OGDHL: variants seen among roughly 807,000 people sequenced by gnomAD.
The protein encoded by OGDHL is 2-oxoglutarate dehydrogenase-like, mitochondrial.
Under a neutral mutation model 109.6 loss-of-function variants are expected in OGDHL, and 79 were observed. The observed-to-expected ratio is 0.72, with a 90% CI of 0.60 to 0.87. The LOEUF (loss-of-function observed/expected upper bound fraction) is 0.87, where lower values mean the gene tolerates loss of function less well. Ranked by LOEUF, OGDHL falls within the 40% of genes least tolerant of loss-of-function variation. OGDHL has a pLI of 0.00. For synonymous variants in OGDHL, 528 were observed against 537.2 expected (o/e 0.98, Z 0.24); for missense variants, 1,275 against 1,362.2 (o/e 0.94, Z 1.01).
In OGDHL at chr10:49,735,340, C is replaced by T. The variant is rs774254213; in HGVS notation, c.2921G>A (p.Arg974Gln). The change falls in exon 23 of 23, where the codon CGG becomes CAG. Residue 974 changes from arginine to glutamine, a missense_variant. Coordinates refer to ENST00000374103, the MANE Select transcript of OGDHL (RefSeq NM_018245.3). ...TGTGGCTGGTGCAGCCGCTGGGTCC[C>T]GGCCAACATACCTGGAGGAGGAGAG... is the stretch of plus-strand genomic sequence containing the variant. The part of the protein sequence containing the change: ...RRARPIWYVG[R>Q]DPAAAPATGN... 6.2e-6 allele frequency: 10 copies of T among 1,612,978 alleles called. No individual in the cohort carries two copies. The highest frequency in any genetic ancestry group is 1.7e-5 in the Admixed American group (1 of 59,976).
At position 49,737,698 on chromosome 10, in the gene OGDHL, G is replaced by A; in HGVS notation, c.2590+88C>T. On this transcript the variant is annotated intron_variant, in intron 20 of 22. Transcript: ENST00000374103. ...GGTCAGCAGAGCCACAGGCAGAGGG[G>A]AGGTTGGAGAAGCCCCAGAAGCAGA... The A allele has an allele frequency of 5.0e-6, 7 of 1,398,282 alleles. No homozygotes were observed. The South Asian group carries it at 8.2e-5, about 16-fold the overall frequency. The allele number at this position is 1,398,282 out of a possible 1,614,324, so 86.6% of individuals were successfully genotyped here. A position where few individuals can be genotyped will look rare whatever the true frequency, so the allele number is the denominator to read the frequency against.
At chr10:49,743,011 G>A in intron 14 of OGDHL, 33 bp from the exon 15 acceptor site, 1 of 1,605,918 alleles carries the variant, frequency 6.2e-7, no homozygotes, top group Non-Finnish European at 8.5e-7. Context: ...TGAGGGCCAA[G>A]GGACAGCCAG....
Position 49,735,333 on chromosome 10 carries a change from T to A in OGDHL, c.2928A>T (p.Pro976=). The change falls in exon 23 of 23, where the codon CCA becomes CCT. Residue 976 remains proline, a synonymous_variant. Coordinates refer to ENST00000374103, the MANE Select transcript of OGDHL (RefSeq NM_018245.3). ...ARPIWYVGRD[P]AAAPATGNRN... ...TGTTTCCTGTGGCTGGTGCAGCCGC[T>A]GGGTCCCGGCCAACATACCTGGAGG... 1 of 1,613,484 alleles carries A rather than the reference T, an allele frequency of 6.2e-7. No individual in the cohort carries two copies. Among genetic ancestry groups the A allele is most frequent in the Non-Finnish European group, 8.5e-7 (1 of 1,179,940 alleles).
intron 3 of OGDHL, among the ~76,000 whole-genome samples, chr10:49,756,373 C>T (rs896815625): frequency 3.9e-5 from 6 of 152,180 alleles, no homozygotes; most frequent in Non-Finnish European, 8.8e-5. Flanking sequence ...ATTCCATAAA[C>T]ATGAATTAGG....
At chr10:49,759,020 A>T (rs1010284741) in intron 1 of OGDHL, among the ~76,000 whole-genome samples, 3 of 151,896 alleles carry the variant, frequency 2.0e-5, no homozygotes, top group Non-Finnish European at 4.4e-5. Context: ...ACCACCCTAG[A>T]ACCAGGGCAG....
chr10:49,749,834 G>C lies in OGDHL; in HGVS notation c.897-18C>G, dbSNP rs573586562. Reference sequence around the variant, plus strand: ...GCCTTCCCCTGGAGCCAGAGGGGCCGGGCTCTCACCTGGCAAAGCCCGCAG... The same window carrying C: ...GCCTTCCCCTGGAGCCAGAGGGGCCCGGCTCTCACCTGGCAAAGCCCGCAG... On this transcript the variant is annotated intron_variant, in intron 7 of 22. Transcript: ENST00000374103. The C allele has an allele frequency of 6.4e-6, 10 of 1,574,782 alleles. No individual in the cohort carries two copies. The highest frequency in any genetic ancestry group is 8.6e-6 in the Non-Finnish European group (10 of 1,164,522).
intron 16 of OGDHL, 31 bp from the exon 17 acceptor site, chr10:49,739,870 ACACAG>A (rs1841516292): frequency 6.3e-7 from 1 of 1,599,696 alleles, no homozygotes; most frequent in African/African-American, 1.3e-5. Context: ...AGCTTGCTGC[ACACAG>A]TCACCAAGTG....
At chr10:49,745,104 G>A (rs1011856960) in intron 12 of OGDHL, among the ~76,000 whole-genome samples, 6 of 152,214 alleles carry the variant, frequency 3.9e-5, no homozygotes, top group South Asian at 2.1e-4. Flanking sequence ...AAGCCTTCCC[G>A]CACTCCTGCT....
Position 49,758,566 on chromosome 10 carries a change from G to A in OGDHL, c.27C>T (p.Ser9=), listed in dbSNP as rs1044357296. The A allele has an allele frequency of 6.2e-7, 1 of 1,613,808 alleles. No individual in the cohort carries two copies. MSQLRLLP[S]RLGVQAARLL... is the part of the protein sequence containing the mutation. ...GCCTCGCAGCCTGTACCCCAAGACGGGACGGCAGCAGCCTCAGCTGACTCA... is the reference window on the plus strand; with the variant it reads ...GCCTCGCAGCCTGTACCCCAAGACGAGACGGCAGCAGCCTCAGCTGACTCA... Residue 9 remains serine (S), a synonymous_variant, in exon 2 of 23, where the codon TCC becomes TCT. Coordinates refer to ENST00000374103, the MANE Select transcript of OGDHL (RefSeq NM_018245.3).
In OGDHL at chr10:49,758,524, G is replaced by A. The variant is rs761258380; in HGVS notation, c.69C>T (p.Asp23=). The change falls in exon 2 of 23, where the codon GAC becomes GAT. Residue 23 remains aspartate (D), a synonymous_variant. Coordinates refer to ENST00000374103, the MANE Select transcript of OGDHL (RefSeq NM_018245.3). Reference sequence around the variant, plus strand: ...TGCTGCGCCAGCCAAACACCGGGACGTCATGTGCAGCCAGGAGCCTCGCAG... The same window carrying A: ...TGCTGCGCCAGCCAAACACCGGGACATCATGTGCAGCCAGGAGCCTCGCAG... The part of the protein sequence containing the change: ...VQAARLLAAH[D]VPVFGWRSRS... The A allele has an allele frequency of 4.3e-5, 69 of 1,613,778 alleles. No homozygotes were observed. The highest frequency in any genetic ancestry group is 7.7e-5 in the South Asian group (7 of 91,094).
Position 49,740,702 on chromosome 10 carries a change from G to A in OGDHL, c.2140+8C>T. ...GCCTGCCTGGCCTGCAGGAGAGCGT[G>A]GACCCACCCAGGACTCCGTACTCCG... On this transcript the variant is annotated splice_region_variant and intron_variant, in intron 16 of 22. Coordinates refer to ENST00000374103, the MANE Select transcript of OGDHL (RefSeq NM_018245.3). 1 of 1,612,238 alleles carries A rather than the reference G, an allele frequency of 6.2e-7. No homozygotes were observed. The highest frequency in any genetic ancestry group is 8.5e-7 in the Non-Finnish European group (1 of 1,178,842).
rs139291356 is a variant in OGDHL, at chr10:49,743,361, C to G, written c.1862-383G>C. Among the ~76,000 whole-genome samples the G allele has an allele frequency of 7.9e-5, 12 of 151,732 alleles. No individual in the cohort carries two copies. The East Asian group carries it at 2.4e-3, about 30-fold the overall frequency. The stretch of plus-strand genomic sequence containing the variant: ...ACACAAACAGAGCGGGCACATGCCC[C>G]AAACGCTGTCAGCAGCTGCCCCAGG... On this transcript the variant is annotated intron_variant, in intron 14 of 22. Coordinates refer to ENST00000374103, the MANE Select transcript of OGDHL (RefSeq NM_018245.3).
rs1423619300 is a variant in OGDHL at position 49,755,973 on chromosome 10, G to C, written c.375+803C>G. Among the ~76,000 whole-genome samples, 4 of 152,188 alleles carry C rather than the reference G, an allele frequency of 2.6e-5. No individual in the cohort carries two copies. In the East Asian group the frequency reaches 5.8e-4, roughly 22 times the overall value. ...AATTGATGGGTCCTCAGGCCAGAAG[G>C]GAACCCAACCCTGCTCACCTTCCCT... On this transcript the variant is annotated intron_variant, in intron 3 of 22. Coordinates refer to ENST00000374103, the MANE Select transcript of OGDHL (RefSeq NM_018245.3).
At chr10:49,740,646 C>T in intron 16 of OGDHL, 64 bp downstream of exon 16, 1 of 1,571,622 alleles carries the variant, frequency 6.4e-7, no homozygotes, top group Non-Finnish European at 8.6e-7. Flanking sequence ...CGGTCCCTTC[C>T]CAGCCCATCT....
intron 15 of OGDHL, among the ~76,000 whole-genome samples, chr10:49,741,199 G>A (rs1206650122): frequency 6.6e-6 from 1 of 152,084 alleles, no homozygotes; most frequent in Non-Finnish European, 1.5e-5. Flanking sequence ...TAGAGCCAGA[G>A]ACCCTAGGAG....
rs1841151220 is a variant in OGDHL at position 49,736,140 on chromosome 10, G to A, written c.2792C>T (p.Ala931Val). 1 of 1,608,776 alleles carries A rather than the reference G, an allele frequency of 6.2e-7. No individual in the cohort carries two copies. The highest frequency in any genetic ancestry group is 8.5e-7 in the Non-Finnish European group (1 of 1,177,462). ...PFPFDLIKQE[A>V]EKYPGAELAW... Reference sequence around the variant, plus strand: ...CAGCTCCGCACCTGGGTACTTCTCTGCCTCCTGCTTGATCAGGTCGAAGGG... The same window carrying A: ...CAGCTCCGCACCTGGGTACTTCTCTACCTCCTGCTTGATCAGGTCGAAGGG... The change falls in exon 22 of 23, where the codon GCA (alanine) becomes GTA (valine). Residue 931 changes from alanine to valine, a missense_variant. Coordinates refer to ENST00000374103, the MANE Select transcript of OGDHL (RefSeq NM_018245.3).
chr10:49,739,966 C>A lies in OGDHL; in HGVS notation c.2141-127G>T, dbSNP rs1841525644. ...ATCCTTCTCACAAGCCAGGACGAAC[C>A]CAGGGATTCCCTGGGATTCAAAGGG... On this transcript the variant is annotated intron_variant, in intron 16 of 22. Coordinates refer to ENST00000374103, the MANE Select transcript of OGDHL (RefSeq NM_018245.3). 3 of 933,738 alleles carry A rather than the reference C, an allele frequency of 3.2e-6. No homozygotes were observed. The Admixed American group carries it at 8.3e-5, about 26-fold the overall frequency. The allele number at this position is 933,738 out of a possible 1,614,324, so 57.8% of individuals were successfully genotyped here.
Position 49,736,077 on chromosome 10 carries a change from T to A in OGDHL, c.2855A>T (p.Tyr952Phe), listed in dbSNP as rs992224830. 1.9e-6 allele frequency: 3 copies of A among 1,611,254 alleles called. No individual in the cohort carries two copies. In the African/African-American group the frequency reaches 4.0e-5, roughly 22 times the overall value. The change falls in exon 22 of 23, where the codon TAT becomes TTT. Residue 952 changes from tyrosine to phenylalanine, a missense_variant. Transcript: ENST00000374103. Reference sequence around the variant, plus strand: ...CATGAAGCGTGGGCTGATGTAGTCATAGTAGCCCATGTTCTTGTGCTCCTC... The same window carrying A: ...CATGAAGCGTGGGCTGATGTAGTCAAAGTAGCCCATGTTCTTGTGCTCCTC... ...CQEEHKNMGY[Y>F]DYISPRFMTI...
At chr10:49,742,576 C>A (rs1841860543) in intron 15 of OGDHL, among the ~76,000 whole-genome samples, 1 of 149,736 alleles carries the variant, frequency 6.7e-6, no homozygotes, top group South Asian at 2.1e-4. Flanking sequence ...ACACACCCCC[C>A]ACACACACAT....
Sources: allele counts gnomAD v4.1 joint callset (sites outside exome capture counted in the v4.1 genomes callset), GRCh38; gene constraint gnomAD v4.1.1; transcripts MANE v1.5; gene names NCBI Gene and HGNC (gene_info 2026-07-23, HGNC 2026-07-21).